Variants in MTMR9 observed in about 807,000 individuals in gnomAD.
MTMR9 encodes myotubularin-related protein 9.
In MTMR9, 39 loss-of-function variants were observed where a neutral mutation model predicts 69.5. The ratio of observed to expected loss-of-function variants is 0.56; its 90% CI spans 0.43 to 0.73. The LOEUF (loss-of-function observed/expected upper bound fraction) is 0.73, where lower values mean the gene tolerates loss of function less well. Ranked by LOEUF, MTMR9 falls within the 30% of genes least tolerant of loss-of-function variation. The probability of loss-of-function intolerance (pLI) is 0.00; values close to 1 mark genes in which losing one functional copy is unlikely to be tolerated. For synonymous variants in MTMR9, 354 were observed against 240.8 expected, an observed-to-expected ratio of 1.47 and a Z score of -4.35; for missense variants, 900 against 671.2, an observed-to-expected ratio of 1.34 and a Z score of -3.77.
chr8:11,336,851 C>G, the MTMR9 span, among the ~76,000 whole-genome samples: 1 of 152,140 alleles, frequency 6.6e-6, no homozygotes, highest in Non-Finnish European at 1.5e-5. Flanking sequence ...AAGCACCATC[C>G]ACTATACCAT....
intron 3 of MTMR9, among the ~76,000 whole-genome samples, chr8:11,303,452 A>C (rs941646450): frequency 6.6e-6 from 1 of 152,054 alleles, no homozygotes; most frequent in Non-Finnish European, 1.5e-5. Context: ...GGGGAAAGCA[A>C]ATTGGGATGG....
intron 3 of MTMR9, among the ~76,000 whole-genome samples, chr8:11,302,241 A>G (rs1023369920): frequency 2.9e-5 from 4 of 139,242 alleles, no homozygotes; most frequent in African/African-American, 1.1e-4. Context: ...TGAGAGAGCA[A>G]GACCCTGTCT....
downstream of MTMR9, chr8:11,331,644 C>G: frequency 1.2e-6 from 2 of 1,612,216 alleles, no homozygotes; most frequent in Middle Eastern, 2.0e-4. Flanking sequence ...ACTCTGGACA[C>G]TACAGGAGGG....
At chr8:11,329,375 A>G (rs1801098475), downstream of MTMR9, among the ~76,000 whole-genome samples, 2 of 152,174 alleles carry the variant, frequency 1.3e-5, no homozygotes, top group African/African-American at 4.8e-5. Context: ...CCAAAGCTGG[A>G]CTGTACTGCT....
At chr8:11,305,980 CAG>C (rs1244049600) in intron 4 of MTMR9, among the ~76,000 whole-genome samples, 1 of 152,138 alleles carries the variant, frequency 6.6e-6, no homozygotes, top group Admixed American at 6.5e-5. Context: ...TATTTTGAGA[CAG>C]AGAAATTGTG....
chr8:11,309,728 T>C (rs1800115956), intron 6 of MTMR9, 40 bp downstream of exon 6: 3 of 1,601,308 alleles, frequency 1.9e-6, no homozygotes, highest in African/African-American at 2.7e-5. Context: ...AACATGGCGC[T>C]GCTAACTAGA....
chr8:11,328,179 A>G (rs941193985), downstream of MTMR9: 5 of 151,852 alleles, frequency 3.3e-5, no homozygotes, highest in Non-Finnish European at 2.9e-5. Context: ...TTTTTCAAAT[A>G]TTGGTGAAGG....
chr8:11,287,753 TTTA>T (rs1232222774), intron 1 of MTMR9, among the ~76,000 whole-genome samples: 7 of 133,506 alleles, frequency 5.2e-5, no homozygotes, highest in East Asian at 4.0e-4. Flanking sequence ...TTCTTATATA[TTTA>T]TTATTTATTT....
At chr8:11,330,812 C>A (rs1401176192), downstream of MTMR9, 8 of 485,328 alleles carry the variant, frequency 1.6e-5, no homozygotes, top group East Asian at 2.8e-4. Context: ...CTAGGAAAAC[C>A]AGAGACCTTT....
At chr8:11,331,818 C>T (rs1430254347), downstream of MTMR9, 2 of 1,611,892 alleles carry the variant, frequency 1.2e-6, no homozygotes, top group Admixed American at 1.7e-5. Context: ...TGTGCCAGGC[C>T]TCTTTGTGCT....
downstream of MTMR9, among the ~76,000 whole-genome samples, chr8:11,329,682 C>T (rs529151042): frequency 2.8e-4 from 42 of 152,362 alleles, 1 homozygote; most frequent in South Asian, 3.9e-3. Context: ...ACCTCCCAGC[C>T]GCCTGCCTTG....
intron 4 of MTMR9, 113 bp from the exon 5 acceptor site, chr8:11,306,077 G>C (rs3808507): frequency 0.58 from 466,837 of 807,462 alleles, 137,542 homozygotes; most frequent in East Asian, 0.86. Flanking sequence ...AAATCCATCT[G>C]CAGAGTGTCA....
chr8:11,302,354 A>T (rs143182189), intron 3 of MTMR9, among the ~76,000 whole-genome samples: 1 of 151,812 alleles, frequency 6.6e-6, no homozygotes, highest in East Asian at 1.9e-4. Flanking sequence ...ATTCTCCAGA[A>T]TCAGTAGAAG....
chr8:11,334,335 G>A, the MTMR9 span, among the ~76,000 whole-genome samples: 1 of 152,152 alleles, frequency 6.6e-6, no homozygotes, highest in Non-Finnish European at 1.5e-5. Flanking sequence ...AAATGTTATT[G>A]AGCACTCAAT....
chr8:11,328,758 A>G (rs372811217), downstream of MTMR9, among the ~76,000 whole-genome samples: 25 of 152,366 alleles, frequency 1.6e-4, no homozygotes, highest in South Asian at 1.9e-3. Flanking sequence ...TACTAACTTT[A>G]TAGTGAAAGG....
chr8:11,290,529 A>G (rs550214994), intron 1 of MTMR9, among the ~76,000 whole-genome samples: 1 of 152,234 alleles, frequency 6.6e-6, no homozygotes, highest in East Asian at 1.9e-4. Flanking sequence ...CCTGTCCCCA[A>G]ATCACCAGGA....
rs570528414 is a variant in MTMR9, at chr8:11,291,959, T to C, written c.183-3235T>C. On this transcript the variant is annotated intron_variant, in intron 1 of 9. Coordinates refer to ENST00000221086, the MANE Select transcript of MTMR9 (RefSeq NM_015458.4). ...GTAAACTTTGATGTGTGTTGATATATGTACACACCCTGAAACTGTCACCAT... is the reference window on the plus strand; with the variant it reads ...GTAAACTTTGATGTGTGTTGATATACGTACACACCCTGAAACTGTCACCAT... 1.8e-4 allele frequency among the ~76,000 whole-genome samples: 27 copies of C among 152,262 alleles called. No individual in the cohort carries two copies. The East Asian group carries it at 5.2e-3, about 29-fold the overall frequency.
At chr8:11,337,203 C>T in the MTMR9 span, among the ~76,000 whole-genome samples, 3 of 152,140 alleles carry the variant, frequency 2.0e-5, no homozygotes, top group African/African-American at 7.2e-5. Flanking sequence ...CTCTTGCTCT[C>T]GTAGCCACTC....
intron 6 of MTMR9, among the ~76,000 whole-genome samples, chr8:11,314,560 A>G (rs1415445531): frequency 2.0e-5 from 3 of 152,338 alleles, no homozygotes; most frequent in South Asian, 4.1e-4. Context: ...TTAACCAACG[A>G]TTAAAGCAGA....
Sources: gnomAD v4.1 joint callset for allele counts (sites outside exome capture counted in the v4.1 genomes callset) on GRCh38, gnomAD v4.1.1 for gene constraint, MANE v1.5 for transcripts, NCBI Gene and HGNC (gene_info 2026-07-23, HGNC 2026-07-21) for gene names.